Variants in URB1 observed in about 807,000 individuals in gnomAD.
URB1 encodes the protein URB1 ribosome biogenesis factor.
In URB1, 197 loss-of-function variants were observed where a neutral mutation model predicts 242.3. That is an observed-to-expected ratio of 0.81 (90% CI 0.72 to 0.91). The LOEUF (loss-of-function observed/expected upper bound fraction) is 0.91, where lower values mean the gene tolerates loss of function less well. URB1 is among the 40% of genes least tolerant of loss of function. The pLI is 0.00. For missense variants in URB1, 2,721 were observed against 2,860.5 expected, an observed-to-expected ratio of 0.95 and a Z score of 1.11; for synonymous variants, 1,153 against 1,201.8, an observed-to-expected ratio of 0.96 and a Z score of 0.84.
At chr21:32,352,970 ACAC>A in intron 18 of URB1, 64 bp from the exon 19 acceptor site, 1 of 1,456,714 alleles carries the variant, frequency 6.9e-7, no homozygotes, top group Non-Finnish European at 9.1e-7. Context: ...TGACCTACCA[ACAC>A]CACCTTCTTC....
intron 15 of URB1, among the ~76,000 whole-genome samples, chr21:32,355,766 G>A (rs907895128): frequency 6.6e-6 from 1 of 152,158 alleles, no homozygotes; most frequent in African/African-American, 2.4e-5. Context: ...GTGCCAACAC[G>A]TCCAGCTAAT....
At chr21:32,334,359 A>T (rs1199164408) in intron 28 of URB1, 25 bp from the exon 29 acceptor site, 2 of 1,528,702 alleles carry the variant, frequency 1.3e-6, no homozygotes, top group East Asian at 4.9e-5. Context: ...GGGAAAAGAG[A>T]CTGGTCACAG....
In URB1 at chr21:32,334,219, G is replaced by T. The variant is rs1015851260; in HGVS notation, c.4801C>A (p.Arg1601=). The T allele has an allele frequency of 1.3e-6, 2 of 1,551,514 alleles. No individual in the cohort carries two copies. The highest frequency in any genetic ancestry group is 1.7e-6 in the Non-Finnish European group (2 of 1,146,930). The change falls in exon 29 of 39, where the codon CGG becomes AGG. Residue 1601 remains arginine (R), a synonymous_variant. Transcript: ENST00000382751. ...GDILRLLDRD[R]MMQTILHFPQ... is the part of the protein sequence containing the mutation. ...AAGTGCAGGATGGTCTGCATCATCCGGTCCCGGTCCAGCAGGCGAAGGATG... is the reference window on the plus strand; with the variant it reads ...AAGTGCAGGATGGTCTGCATCATCCTGTCCCGGTCCAGCAGGCGAAGGATG...
chr21:32,361,786 A>G lies in URB1; in HGVS notation c.1639+106T>C. The G allele has an allele frequency of 2.1e-6, 3 of 1,438,716 alleles. No homozygotes were observed. The South Asian group carries it at 4.6e-5, about 22-fold the overall frequency. The allele number at this position is 1,438,716 out of a possible 1,614,324, so 89.1% of individuals were successfully genotyped here. Reference sequence around the variant, plus strand: ...CATTCACAGCCAGAGGTGCCTTGAAACAAAAACTGCTCCAGGACTCTCTGG... The same window carrying G: ...CATTCACAGCCAGAGGTGCCTTGAAGCAAAAACTGCTCCAGGACTCTCTGG... On this transcript the variant is annotated intron_variant, in intron 12 of 38. Transcript: ENST00000382751.
rs757326260 is a variant in URB1, at chr21:32,355,012, G to A, written c.2107-15C>T. ...GTCAATAAAATCTGGGCATTAAAGA[G>A]CCAAATAGAAAGCATTCAGATGGTC... On this transcript the variant is annotated splice_polypyrimidine_tract_variant and intron_variant, in intron 16 of 38. Coordinates refer to ENST00000382751, the MANE Select transcript of URB1 (RefSeq NM_014825.3). 3 of 1,542,250 alleles carry A rather than the reference G, an allele frequency of 1.9e-6. No homozygotes were observed. In the South Asian group the frequency reaches 3.6e-5, roughly 19 times the overall value.
chr21:32,354,876 G>A lies in URB1; in HGVS notation c.2228C>T (p.Pro743Leu), dbSNP rs2033201333. ...TKQEADDMSI[P>L]ISHIDDVLDM... is the part of the protein sequence containing the mutation. ...GAACATACCGTCAATGTGGGAGATGGGAATGCTCATGTCATCGGCTTCTTG... is the reference window on the plus strand; with the variant it reads ...GAACATACCGTCAATGTGGGAGATGAGAATGCTCATGTCATCGGCTTCTTG... The change falls in exon 17 of 39, where the codon CCC (proline) becomes CTC (leucine). Residue 743 changes from proline (P) to leucine (L), a missense_variant. Transcript: ENST00000382751. The A allele has an allele frequency of 6.4e-7, 1 of 1,552,332 alleles. No individual in the cohort carries two copies. The highest frequency in any genetic ancestry group is 8.7e-7 in the Non-Finnish European group (1 of 1,147,116).
Position 32,344,566 on chromosome 21 carries a change from T to C in URB1, c.4257+4A>G. On this transcript the variant is annotated splice_donor_region_variant and intron_variant, in intron 24 of 38. Transcript: ENST00000382751. Reference sequence around the variant, plus strand: ...AATCTGGATCTCTAAGAAAAGACACTTACCAACAACGCATTTAATCTAAGC... The same window carrying C: ...AATCTGGATCTCTAAGAAAAGACACCTACCAACAACGCATTTAATCTAAGC... 6.4e-7 allele frequency: 1 copy of C among 1,551,882 alleles called. No homozygotes were observed. Among genetic ancestry groups the C allele is most frequent in the Non-Finnish European group, 8.7e-7 (1 of 1,146,928 alleles).
At chr21:32,323,826 G>A (rs900967461) in intron 32 of URB1, among the ~76,000 whole-genome samples, 8 of 152,222 alleles carry the variant, frequency 5.3e-5, no homozygotes, top group East Asian at 1.9e-4. Context: ...TTAGCCAGGC[G>A]TGGTGGCATT....
intron 33 of URB1, 147 bp from the exon 34 acceptor site, chr21:32,322,091 C>G (rs980680601): frequency 2.1e-6 from 2 of 950,298 alleles, no homozygotes; most frequent in Non-Finnish European, 3.1e-6. Flanking sequence ...AATCCCTGAT[C>G]TCATCTTTGA....
chr21:32,326,271 C>T (rs1171835051), intron 30 of URB1, among the ~76,000 whole-genome samples: 1 of 152,244 alleles, frequency 6.6e-6, no homozygotes, highest in East Asian at 1.9e-4. Flanking sequence ...ATGATGTTCT[C>T]GAGATAGAGT....
At chr21:32,331,941 T>C (rs1027713562) in intron 30 of URB1, among the ~76,000 whole-genome samples, 1 of 152,020 alleles carries the variant, frequency 6.6e-6, no homozygotes. Flanking sequence ...TAGCAGAGAG[T>C]AAGGACTTTC....
At chr21:32,365,724 G>A (rs548728796) in intron 10 of URB1, among the ~76,000 whole-genome samples, 4 of 152,280 alleles carry the variant, frequency 2.6e-5, no homozygotes, top group Admixed American at 6.5e-5. Context: ...AAACCCTGGA[G>A]GGGTATCAAA....
Position 32,333,414 on chromosome 21 carries a change from T to C in URB1, c.4863A>G (p.Thr1621=), listed in dbSNP as rs1056962227. 2 of 1,551,366 alleles carry C rather than the reference T, an allele frequency of 1.3e-6. No homozygotes were observed. Among genetic ancestry groups the C allele is most frequent in the African/African-American group, 1.4e-5 (1 of 73,178 alleles). Residue 1621 remains threonine (T), a synonymous_variant, in exon 30 of 39, where the codon ACA becomes ACG. Coordinates refer to ENST00000382751, the MANE Select transcript of URB1 (RefSeq NM_014825.3). ...TTTTGTCTTTGAATATCAGCTCCTG[T>C]GTGTCCTGAAAGAGCCAAAATCAAC... ...QNRRLLPPED[T]QELIFKDKSR...
chr21:32,349,956 G>A (rs1245331580), intron 20 of URB1, among the ~76,000 whole-genome samples: 2 of 151,794 alleles, frequency 1.3e-5, no homozygotes, highest in South Asian at 2.1e-4. Flanking sequence ...TTAGCCAGGC[G>A]TGTTGGTGTG....
At position 32,311,418 on chromosome 21, in the gene URB1, C is replaced by G. The variant is rs73901394; in HGVS notation, c.*3500G>C. ...AACCTGCTCCCCTCCACCCCCCACC[C>G]CCCCCATCCTAAATCAATGTAGGAA... is the stretch of plus-strand genomic sequence containing the variant. On this transcript the variant is annotated 3_prime_UTR_variant, in exon 39 of 39. Coordinates refer to ENST00000382751, the MANE Select transcript of URB1 (RefSeq NM_014825.3). The G allele has an allele frequency of 1.8e-3, 546 of 299,110 alleles. 2 individuals carry two copies. Among genetic ancestry groups the G allele is most frequent in the East Asian group, 0.014 (250 of 17,888 alleles). The allele number at this position is 299,110 out of a possible 1,614,324, so 18.5% of individuals were successfully genotyped here. A position where few individuals can be genotyped will look rare whatever the true frequency, so the allele number is the denominator to read the frequency against.
At chr21:32,377,784 CAAT>C (rs1414562697) in intron 5 of URB1, among the ~76,000 whole-genome samples, 2 of 152,166 alleles carry the variant, frequency 1.3e-5, no homozygotes, top group African/African-American at 4.8e-5. Flanking sequence ...TACTCCTCCT[CAAT>C]AACTCCCAGA....
At chr21:32,324,704 GC>G (rs2032808742) in intron 31 of URB1, 102 bp from the exon 32 acceptor site, 1 of 808,740 alleles carries the variant, frequency 1.2e-6, no homozygotes, top group African/African-American at 1.7e-5. Context: ...GGGTGTGCCT[GC>G]TTCTCATATC....
At chr21:32,360,662 G>A (rs1246631698) in intron 13 of URB1, among the ~76,000 whole-genome samples, 30 of 152,124 alleles carry the variant, frequency 2.0e-4, no homozygotes, top group Admixed American at 2.0e-3. Flanking sequence ...TGTCCCTTCT[G>A]CAGGCCCCTC....
chr21:32,350,128 A>T (rs1351015988), intron 20 of URB1, among the ~76,000 whole-genome samples: 1 of 150,772 alleles, frequency 6.6e-6, no homozygotes, highest in South Asian at 2.1e-4. Context: ...TGTCTCAGAA[A>T]AAAAAAAAAA....
Sources: allele counts gnomAD v4.1 joint callset (sites outside exome capture counted in the v4.1 genomes callset), GRCh38; gene constraint gnomAD v4.1.1; transcripts MANE v1.5; gene names NCBI Gene and HGNC (gene_info 2026-07-23, HGNC 2026-07-21).